The following COL19A1 variants were observed in gnomAD, a reference collection of about 807,000 sequenced individuals.
COL19A1 encodes the protein collagen type XIX alpha 1 chain.
A neutral mutation model predicts 190.2 loss-of-function variants in COL19A1; 159 were observed. The observed-to-expected ratio is 0.84, with a 90% CI of 0.73 to 0.95. COL19A1 has a LOEUF of 0.95. COL19A1 is among the 40% of genes least tolerant of loss of function. The pLI, the probability that COL19A1 is intolerant of heterozygous loss-of-function variation, is 0.00. For synonymous variants in COL19A1, 509 were observed against 458.9 expected (o/e 1.11, Z -1.39); for missense variants, 1,418 against 1,431.9 (o/e 0.99, Z 0.16).
intron 26 of COL19A1, 45 bp from the exon 27 acceptor site, chr6:70,146,767 T>C (rs1238965140): frequency 1.3e-6 from 2 of 1,590,910 alleles, no homozygotes; most frequent in South Asian, 2.3e-5. Context: ...CAGAAAAATG[T>C]ATGTCTCTTG....
intron 14 of COL19A1, among the ~76,000 whole-genome samples, chr6:70,051,746 T>C (rs1193531640): frequency 6.6e-6 from 1 of 152,104 alleles, no homozygotes; most frequent in Non-Finnish European, 1.5e-5. Context: ...ATACCATTTT[T>C]CATTTCTATA....
chr6:70,148,656 G>A (rs2150243502), intron 27 of COL19A1, among the ~76,000 whole-genome samples: 1 of 152,286 alleles, frequency 6.6e-6, no homozygotes, highest in South Asian at 2.1e-4. Context: ...GCTGGGCCTG[G>A]TGGCTCACAC....
intron 4 of COL19A1, among the ~76,000 whole-genome samples, chr6:69,921,356 A>T (rs1771791301): frequency 1.1e-5 from 1 of 90,384 alleles, no homozygotes; most frequent in African/African-American, 5.3e-5. Context: ...CATATATCAT[A>T]ATCATATATA....
chr6:70,120,013 C>G (rs1395540018), intron 16 of COL19A1, among the ~76,000 whole-genome samples: 1 of 152,154 alleles, frequency 6.6e-6, no homozygotes, highest in African/African-American at 2.4e-5. Context: ...ATCCCTTGAA[C>G]CTGGGAGGCA....
intron 2 of COL19A1, among the ~76,000 whole-genome samples, chr6:69,886,212 A>G (rs1768921879): frequency 6.6e-6 from 1 of 152,276 alleles, no homozygotes; most frequent in African/African-American, 2.4e-5. Flanking sequence ...AAAAATGTCC[A>G]ACAGGTATAT....
At chr6:69,914,247 G>A (rs1771146763) in intron 4 of COL19A1, among the ~76,000 whole-genome samples, 1 of 152,138 alleles carries the variant, frequency 6.6e-6, no homozygotes, top group African/African-American at 2.4e-5. Flanking sequence ...AGATTTCAGA[G>A]TCTCTGTGGC....
At chr6:69,901,816 T>C (rs1262488466) in intron 4 of COL19A1, among the ~76,000 whole-genome samples, 1 of 152,260 alleles carries the variant, frequency 6.6e-6, no homozygotes, top group African/African-American at 2.4e-5. Context: ...GCTGGCCAGA[T>C]GGCAAAAGGA....
intron 11 of COL19A1, among the ~76,000 whole-genome samples, chr6:69,968,947 G>A (rs1018535486): frequency 2.6e-5 from 4 of 152,154 alleles, no homozygotes; most frequent in Non-Finnish European, 4.4e-5. Flanking sequence ...GTGACATATC[G>A]TAAAATAAAT....
chr6:70,042,395 A>G (rs191962114), intron 14 of COL19A1, among the ~76,000 whole-genome samples: 219 of 152,326 alleles, frequency 1.4e-3, no homozygotes, highest in Middle Eastern at 3.4e-3. Context: ...ACCATGTCCT[A>G]TAAAATGTGC....
chr6:70,092,653 A>G (rs9454967), intron 15 of COL19A1, among the ~76,000 whole-genome samples: 22,839 of 152,160 alleles, frequency 0.15, 2,228 homozygotes, highest in South Asian at 0.28. Context: ...CTGATCCTCT[A>G]GAGTTCTCTT....
chr6:70,139,971 A>G (rs1009382973), intron 19 of COL19A1, among the ~76,000 whole-genome samples: 3 of 151,066 alleles, frequency 2.0e-5, no homozygotes, highest in Non-Finnish European at 4.4e-5. Context: ...CAATGTGGCC[A>G]CTAAACTTTA....
intron 9 of COL19A1, among the ~76,000 whole-genome samples, chr6:69,957,934 A>G (rs1774525864): frequency 6.6e-6 from 1 of 152,218 alleles, no homozygotes; most frequent in South Asian, 2.1e-4. Flanking sequence ...CCACTGAGTT[A>G]TCGTTGAGTC....
rs565079348 is a variant in COL19A1, at chr6:70,135,911, G to T, written c.1384-1774G>T. On this transcript the variant is annotated intron_variant, in intron 18 of 50. Transcript: ENST00000620364. ...TCCCGGTCTTCTTGGTTCCACCCAGGGGGTGGAATTGTTGGTTCCAGCTGT... is the reference window on the plus strand; with the variant it reads ...TCCCGGTCTTCTTGGTTCCACCCAGTGGGTGGAATTGTTGGTTCCAGCTGT... 4.3e-4 allele frequency among the ~76,000 whole-genome samples: 66 copies of T among 152,174 alleles called. 1 individual carries two copies. Among genetic ancestry groups the T allele is most frequent in the African/African-American group, 1.4e-3 (60 of 41,514 alleles).
In COL19A1 at chr6:70,211,292, G is replaced by C. The variant is rs1326571532; in HGVS notation, c.*4018G>C. ...CACTGGGATTGAGAATTTCTGTTAA[G>C]TGTTTTGCTGACGTTGTTTTAATGA... is the stretch of plus-strand genomic sequence containing the variant. On this transcript the variant is annotated 3_prime_UTR_variant, in exon 51 of 51. Coordinates refer to ENST00000620364, the MANE Select transcript of COL19A1 (RefSeq NM_001858.6). Among the ~76,000 whole-genome samples, 1 of 151,942 alleles carries C rather than the reference G, an allele frequency of 6.6e-6. No individual in the cohort carries two copies. The highest frequency in any genetic ancestry group is 1.5e-5 in the Non-Finnish European group (1 of 67,954).
rs76151229 is a variant in COL19A1, at chr6:70,027,357, G to A, written c.1080+3677G>A. Reference sequence around the variant, plus strand: ...GAAAGTGTAAACTTTAATTTAAAGGGTAGTATGTAGCAATTCAGTCTTTCT... The same window carrying A: ...GAAAGTGTAAACTTTAATTTAAAGGATAGTATGTAGCAATTCAGTCTTTCT... On this transcript the variant is annotated intron_variant, in intron 12 of 50. Transcript: ENST00000620364. Among the ~76,000 whole-genome samples, 431 of 152,266 alleles carry A rather than the reference G, an allele frequency of 2.8e-3. 4 individuals are homozygous for A. The highest frequency in any genetic ancestry group is 9.6e-3 in the African/African-American group (400 of 41,542).
At chr6:70,009,325 A>G (rs979696043) in intron 11 of COL19A1, among the ~76,000 whole-genome samples, 11 of 152,100 alleles carry the variant, frequency 7.2e-5, no homozygotes, top group African/African-American at 2.7e-4. Context: ...CAAATTGAAT[A>G]TACAAATTTT....
At chr6:70,111,950 C>T (rs1784309902) in intron 16 of COL19A1, among the ~76,000 whole-genome samples, 2 of 152,180 alleles carry the variant, frequency 1.3e-5, no homozygotes, top group African/African-American at 4.8e-5. Context: ...TAAGCTAGTG[C>T]CACCAGCCTG....
At chr6:69,914,251 C>T (rs1011412870) in intron 4 of COL19A1, among the ~76,000 whole-genome samples, 1 of 152,196 alleles carries the variant, frequency 6.6e-6, no homozygotes, top group African/African-American at 2.4e-5. Flanking sequence ...TTCAGAGTCT[C>T]TGTGGCTGTG....
intron 15 of COL19A1, among the ~76,000 whole-genome samples, chr6:70,097,252 A>G (rs1454026038): frequency 6.6e-6 from 1 of 152,160 alleles, no homozygotes; most frequent in Admixed American, 6.5e-5. Context: ...TTATTGAGAC[A>G]GGATCCATGC....
Sources: gnomAD v4.1 joint callset for allele counts (sites outside exome capture counted in the v4.1 genomes callset) on GRCh38, gnomAD v4.1.1 for gene constraint, MANE v1.5 for transcripts, NCBI Gene and HGNC (gene_info 2026-07-23, HGNC 2026-07-21) for gene names.